Variants in DST observed in about 807,000 individuals in gnomAD.
The protein encoded by DST is dystonin.
A neutral mutation model predicts 875.2 loss-of-function variants in DST; 253 were observed. The ratio of observed to expected loss-of-function variants is 0.29; its 90% CI spans 0.26 to 0.32. DST has a LOEUF of 0.32. DST is among the 10% of genes least tolerant of loss of function. The pLI is 1.00. For missense variants in DST, 8,287 were observed against 9,111.6 expected, an observed-to-expected ratio of 0.91 and a Z score of 3.68; for synonymous variants, 3,124 against 3,197.1, an observed-to-expected ratio of 0.98 and a Z score of 0.77.
chr6:56,659,619 T>C (rs1046158518), intron 10 of DST, among the ~76,000 whole-genome samples: 58 of 152,258 alleles, frequency 3.8e-4, no homozygotes, highest in Admixed American at 1.7e-3. Flanking sequence ...TTAGTATGTG[T>C]TGAAGAATGA....
intron 2 of DST, among the ~76,000 whole-genome samples, chr6:56,916,165 G>A (rs928104574): frequency 6.6e-6 from 1 of 152,174 alleles, no homozygotes; most frequent in South Asian, 2.1e-4. Flanking sequence ...GCACAGCCAT[G>A]AGAGGATCCA....
chr6:56,663,593 A>G (rs2099056092), intron 10 of DST, among the ~76,000 whole-genome samples: 1 of 152,260 alleles, frequency 6.6e-6, no homozygotes, highest in East Asian at 1.9e-4. Context: ...TTTAGCTTCT[A>G]AGGTGTGACT....
chr6:56,936,875 T>G (rs1482105942), intron 2 of DST, among the ~76,000 whole-genome samples: 1 of 152,006 alleles, frequency 6.6e-6, no homozygotes, highest in Non-Finnish European at 1.5e-5. Flanking sequence ...AGAAGAAAAG[T>G]AATCTGAATA....
rs775062326 is a variant in DST, at chr6:56,493,106, T to C, written c.20395-17A>G. On this transcript the variant is annotated splice_polypyrimidine_tract_variant and intron_variant, in intron 83 of 103. Transcript: ENST00000680361. Reference sequence around the variant, plus strand: ...CAGTTTAGTCTGCAAGGACAGATTGTTTAGTATGTGATGTTTAAGGGCCTT... The same window carrying C: ...CAGTTTAGTCTGCAAGGACAGATTGCTTAGTATGTGATGTTTAAGGGCCTT... 37 of 1,602,296 alleles carry C rather than the reference T, an allele frequency of 2.3e-5. No homozygotes were observed. In the East Asian group the frequency reaches 8.1e-4, roughly 35 times the overall value.
At chr6:56,464,617 G>T in intron 100 of DST, 68 bp downstream of exon 100, 1 of 1,154,094 alleles carries the variant, frequency 8.7e-7, no homozygotes, top group Non-Finnish European at 1.3e-6. Context: ...ACAAATGACT[G>T]AAGCAAGAAT....
rs368047477 is a variant in DST at position 56,608,569 on chromosome 6, G to A, written c.6059C>T (p.Thr2020Ile). 2 of 1,613,376 alleles carry A rather than the reference G, an allele frequency of 1.2e-6. No individual in the cohort carries two copies. Among genetic ancestry groups the A allele is most frequent in the African/African-American group, 2.7e-5 (2 of 74,904 alleles). ...CTGATATGTGAGGATACTGCTAGCA[G>A]TGTCCCTGTCAATCACCCCTTCTCT... ...AVREGVIDRD[T>I]ASSILTYQVQ... Residue 2020 changes from threonine (T) to isoleucine (I), a missense_variant, in exon 40 of 104, where the codon ACT becomes ATT. Thr to Ile is a moderately conservative substitution (Grantham distance 89). Coordinates refer to ENST00000680361, the MANE Select transcript of DST (RefSeq NM_001374736.1).
chr6:56,605,516 C>G lies in DST; in HGVS notation c.9112G>C (p.Gly3038Arg), dbSNP rs901739025. 6.2e-7 allele frequency: 1 copy of G among 1,612,886 alleles called. No homozygotes were observed. The highest frequency in any genetic ancestry group is 2.2e-5 in the East Asian group (1 of 44,832). ...TCTTCTATTAGAATATCACTTTTGCCATCTCTCCCTTTAATGAGATCGCTT... is the reference window on the plus strand; with the variant it reads ...TCTTCTATTAGAATATCACTTTTGCGATCTCTCCCTTTAATGAGATCGCTT... ...NGSDLIKGRD[G>R]KSDILIEDET... Residue 3038 changes from glycine to arginine, a missense_variant, in exon 40 of 104, where the codon GGC (glycine) becomes CGC (arginine). Gly to Arg is a moderately radical substitution (Grantham distance 125, BLOSUM62 -2). Around this residue, in one of 10 missense-constraint regions of DST, gnomAD observed 3,138 missense variants for 3,116.6 expected, o/e 1.01. Coordinates refer to ENST00000680361, the MANE Select transcript of DST (RefSeq NM_001374736.1).
rs371438561 is a variant in DST, at chr6:56,493,991, T to C, written c.20394+19A>G. The C allele has an allele frequency of 1.7e-4, 258 of 1,538,538 alleles. No homozygotes were observed. Among genetic ancestry groups the C allele is most frequent in the Non-Finnish European group, 2.2e-4 (249 of 1,139,852 alleles). On this transcript the variant is annotated intron_variant, in intron 83 of 103. Coordinates refer to ENST00000680361, the MANE Select transcript of DST (RefSeq NM_001374736.1). ...AACAACTAAAACACTGATTCTATTA[T>C]ATTAATCAAAGCACATACTTTCCTT...
intron 4 of DST, chr6:56,785,813 AC>A (rs1327937235): frequency 1.3e-5 from 2 of 159,312 alleles, no homozygotes; most frequent in Non-Finnish European, 2.7e-5. Flanking sequence ...TGCGTCGCTC[AC>A]GCTGGGAGAT....
In DST at chr6:56,607,436, T is replaced by C. The variant is rs2098508222; in HGVS notation, c.7192A>G (p.Ile2398Val). 1 of 1,608,306 alleles carries C rather than the reference T, an allele frequency of 6.2e-7. No homozygotes were observed. Among genetic ancestry groups the C allele is most frequent in the South Asian group, 1.1e-5 (1 of 90,588 alleles). The part of the protein sequence containing the change: ...KNIQNFPSDL[I>V]ENPIMKSKMS... ...TTTGATTTCATAATAGGATTTTCTA[T>C]TAAATCACTTGGAAAGTTTTGAATG... The change falls in exon 40 of 104, where the codon ATA becomes GTA. Residue 2398 changes from isoleucine to valine, a missense_variant. Around this residue, in one of 10 missense-constraint regions of DST, gnomAD observed 3,138 missense variants for 3,116.6 expected, o/e 1.01. Coordinates refer to ENST00000680361, the MANE Select transcript of DST (RefSeq NM_001374736.1).
chr6:56,868,196 C>A (rs1013182167), intron 3 of DST, among the ~76,000 whole-genome samples: 1 of 152,070 alleles, frequency 6.6e-6, no homozygotes, highest in South Asian at 2.1e-4. Context: ...CTAAACATGG[C>A]ATATAAACAG....
intron 9 of DST, among the ~76,000 whole-genome samples, chr6:56,694,736 G>C (rs926818063): frequency 2.0e-5 from 3 of 152,156 alleles, no homozygotes; most frequent in African/African-American, 7.2e-5. Context: ...CAATGTTGGA[G>C]ATGGGCCTAG....
intron 4 of DST, among the ~76,000 whole-genome samples, chr6:56,807,194 G>A (rs1440299488): frequency 6.6e-6 from 1 of 152,056 alleles, no homozygotes; most frequent in African/African-American, 2.4e-5. Context: ...TGGACTAGAG[G>A]TGTGTGTTTT....
chr6:56,923,844 C>T (rs1177254671), intron 2 of DST, among the ~76,000 whole-genome samples: 1 of 152,166 alleles, frequency 6.6e-6, no homozygotes, highest in Non-Finnish European at 1.5e-5. Context: ...TTCCCTATGG[C>T]CAGGCATGGT....
rs574715627 is a variant in DST at position 56,944,158 on chromosome 6, G to T, written c.216+9627C>A. Among the ~76,000 whole-genome samples the T allele has an allele frequency of 6.6e-5, 10 of 152,244 alleles. 1 individual carries two copies. In the East Asian group the frequency reaches 1.5e-3, roughly 24 times the overall value. ...ATAAGATACAATATGAAAAGTATCTGTCTCTTTCCCCTTAAGGAAAAGAGG... is the reference window on the plus strand; with the variant it reads ...ATAAGATACAATATGAAAAGTATCTTTCTCTTTCCCCTTAAGGAAAAGAGG... On this transcript the variant is annotated intron_variant, in intron 2 of 103. Coordinates refer to ENST00000680361, the MANE Select transcript of DST (RefSeq NM_001374736.1).
Position 56,463,624 on chromosome 6 carries a change from C to A in DST, c.22900G>T (p.Val7634Leu). 6.2e-7 allele frequency: 1 copy of A among 1,613,064 alleles called. No individual in the cohort carries two copies. The highest frequency in any genetic ancestry group is 8.5e-7 in the Non-Finnish European group (1 of 1,179,224). The change falls in exon 101 of 104, where the codon GTG (valine) becomes TTG (leucine). Residue 7634 changes from valine (V) to leucine (L), a missense_variant. Coordinates refer to ENST00000680361, the MANE Select transcript of DST (RefSeq NM_001374736.1). Reference sequence around the variant, plus strand: ...GCCGCCTGCGCAGCCTGACTGGACACAGAAGTGGATCTGTTGGGTGAAGCG... The same window carrying A: ...GCCGCCTGCGCAGCCTGACTGGACAAAGAAGTGGATCTGTTGGGTGAAGCG... Reference protein sequence around the residue: ...RGASPNRSTSVSSQAAQAASP... With the variant: ...RGASPNRSTSLSSQAAQAASP...
In DST at chr6:56,900,735, G is replaced by A. The variant is rs564407765; in HGVS notation, c.217-114C>T. ...AAGTCACTATATTCAGTGAGATCAC[G>A]TGCACTCCCAAAGTGAGCATGGAGG... On this transcript the variant is annotated intron_variant, in intron 2 of 103. Transcript: ENST00000680361. 2.0e-5 allele frequency: 14 copies of A among 712,884 alleles called. No homozygotes were observed. The East Asian group carries it at 2.0e-4, about 10-fold the overall frequency. 44.2% of individuals were successfully genotyped at this position (712,884 alleles called of 1,614,324 possible).
Position 56,494,167 on chromosome 6 carries a change from G to T in DST, c.20237C>A (p.Ala6746Asp), listed in dbSNP as rs554482946. The part of the protein sequence containing the change: ...QLNVHMEVCA[A>D]FEAKEETYKS... The stretch of plus-strand genomic sequence containing the variant: ...ATATGTTTCTTCTTTAGCTTCAAAG[G>T]CAGCACAGACTTCCTAAATTGAGAT... Residue 6746 changes from alanine to aspartate, a missense_variant, in exon 83 of 104, where the codon GCC (alanine) becomes GAC (aspartate). By Grantham distance (126) the Ala-to-Asp change is moderately radical. This residue lies in a region of DST where 1,292 missense variants were observed against 1,552.7 expected (regional missense o/e 0.83). Coordinates refer to ENST00000680361, the MANE Select transcript of DST (RefSeq NM_001374736.1). 1 of 1,601,542 alleles carries T rather than the reference G, an allele frequency of 6.2e-7. No individual in the cohort carries two copies. Among genetic ancestry groups the T allele is most frequent in the South Asian group, 1.1e-5 (1 of 88,436 alleles).
intron 61 of DST, chr6:56,541,025 T>A (rs1317047855): frequency 1.3e-5 from 2 of 152,620 alleles, no homozygotes; most frequent in African/African-American, 4.8e-5. Flanking sequence ...GTCATCCTCC[T>A]CCGAAGTGAG....
Sources: allele counts gnomAD v4.1 joint callset (sites outside exome capture counted in the v4.1 genomes callset), GRCh38; gene constraint gnomAD v4.1.1; regional missense constraint gnomAD v4.1.1; transcripts MANE v1.5; gene names NCBI Gene and HGNC (gene_info 2026-07-23, HGNC 2026-07-21).